Variants in XKR9 observed in about 807,000 individuals in gnomAD.
XKR9 encodes XK-related protein 9.
Under a neutral mutation model 32.0 loss-of-function variants are expected in XKR9, and 32 were observed. The observed-to-expected ratio is 1.00, with a 90% CI of 0.76 to 1.34. The LOEUF (loss-of-function observed/expected upper bound fraction) is 1.34. XKR9 is among the 40% of genes most tolerant of loss of function. The pLI is 0.00. For synonymous variants in XKR9, 168 were observed against 143.4 expected (o/e 1.17, Z -1.22); for missense variants, 546 against 429.7 (o/e 1.27, Z -2.39).
At chr8:70,704,860 T>A (rs1055713743) in intron 3 of XKR9, among the ~76,000 whole-genome samples, 8 of 152,306 alleles carry the variant, frequency 5.3e-5, no homozygotes, top group African/African-American at 1.9e-4. Context: ...TTAATCATTT[T>A]TTTTCTTCTG....
chr8:70,892,897 G>A, the XKR9 span, among the ~76,000 whole-genome samples: 48,243 of 151,956 alleles, frequency 0.32, 8,983 homozygotes, highest in Non-Finnish European at 0.43. Context: ...GACTTGGGAA[G>A]TTTTAAAATA....
intron 3 of XKR9, among the ~76,000 whole-genome samples, chr8:70,703,567 A>G (rs1355885277): frequency 6.6e-6 from 1 of 152,100 alleles, no homozygotes; most frequent in Non-Finnish European, 1.5e-5. Flanking sequence ...CTCCACCTCA[A>G]ATATCATCAC....
At chr8:70,694,765 TG>T (rs1305715257) in intron 3 of XKR9, among the ~76,000 whole-genome samples, 1 of 152,238 alleles carries the variant, frequency 6.6e-6, no homozygotes, top group Non-Finnish European at 1.5e-5. Flanking sequence ...ATGGGGCCTG[TG>T]GGCTGTTGCT....
the XKR9 span, among the ~76,000 whole-genome samples, chr8:70,943,009 G>T: frequency 6.6e-6 from 1 of 152,052 alleles, no homozygotes; most frequent in South Asian, 2.1e-4. Flanking sequence ...TTTACATAGA[G>T]CATATGGGAA....
At chr8:70,837,473 A>G in the XKR9 span, among the ~76,000 whole-genome samples, 1 of 152,132 alleles carries the variant, frequency 6.6e-6, no homozygotes, top group Non-Finnish European at 1.5e-5. Flanking sequence ...AATGAGTTGA[A>G]GAGATGGGAC....
intron 2 of XKR9, among the ~76,000 whole-genome samples, chr8:70,780,032 T>C (rs1024425683): frequency 6.6e-6 from 1 of 152,002 alleles, no homozygotes; most frequent in African/African-American, 2.4e-5. Context: ...CTCTAGTTCT[T>C]TTAATTGTGA....
chr8:70,699,713 T>G (rs989584239), intron 3 of XKR9, among the ~76,000 whole-genome samples: 2 of 152,140 alleles, frequency 1.3e-5, no homozygotes, highest in Non-Finnish European at 1.5e-5. Context: ...GTATTTCCTG[T>G]ATGTGAATGT....
At chr8:71,038,488 T>C in the XKR9 span, among the ~76,000 whole-genome samples, 1 of 151,644 alleles carries the variant, frequency 6.6e-6, no homozygotes, top group African/African-American at 2.4e-5. Flanking sequence ...ACCTGGCTAA[T>C]TTTTGTATTT....
the XKR9 span, among the ~76,000 whole-genome samples, chr8:71,011,058 T>G: frequency 6.6e-6 from 1 of 152,164 alleles, no homozygotes; most frequent in Non-Finnish European, 1.5e-5. Flanking sequence ...GACACAATAT[T>G]GAAAATGTGT....
chr8:70,787,903 T>C (rs1481887084), intron 2 of XKR9, among the ~76,000 whole-genome samples: 3 of 151,974 alleles, frequency 2.0e-5, no homozygotes, highest in Non-Finnish European at 4.4e-5. Flanking sequence ...ATTTTGAGTG[T>C]CTTGAAAATA....
At chr8:70,765,839 C>T (rs940787284) in intron 2 of XKR9, among the ~76,000 whole-genome samples, 3 of 152,178 alleles carry the variant, frequency 2.0e-5, no homozygotes, top group African/African-American at 7.2e-5. Context: ...GCCAGTTTTT[C>T]CAGCACCATT....
the XKR9 span, among the ~76,000 whole-genome samples, chr8:70,901,648 GA>G: frequency 5.1e-4 from 77 of 152,306 alleles, no homozygotes; most frequent in African/African-American, 1.8e-3. Context: ...TTGCTGTGCA[GA>G]AGCTCTTTAG....
intron 2 of XKR9, among the ~76,000 whole-genome samples, chr8:70,751,857 A>G (rs750723342): frequency 9.2e-5 from 14 of 152,140 alleles, no homozygotes; most frequent in Non-Finnish European, 1.8e-4. Context: ...CCATGCCACC[A>G]GCTTCCTTGG....
chr8:70,679,212 T>G (rs1472662880), intron 2 of XKR9, among the ~76,000 whole-genome samples: 1 of 152,172 alleles, frequency 6.6e-6, no homozygotes, highest in Non-Finnish European at 1.5e-5. Flanking sequence ...CATACCACAG[T>G]ACTTTTTCAC....
intron 2 of XKR9, among the ~76,000 whole-genome samples, chr8:70,752,849 T>G (rs962539928): frequency 4.6e-5 from 7 of 151,812 alleles, no homozygotes; most frequent in African/African-American, 1.7e-4. Flanking sequence ...ACATCACAAT[T>G]AAAAGAACTA....
chr8:71,005,990 C>T, the XKR9 span, among the ~76,000 whole-genome samples: 1 of 152,214 alleles, frequency 6.6e-6, no homozygotes, highest in African/African-American at 2.4e-5. Context: ...ATGACACATC[C>T]TAGGGTTATT....
chr8:70,959,634 T>G, the XKR9 span, among the ~76,000 whole-genome samples: 2 of 152,250 alleles, frequency 1.3e-5, no homozygotes, highest in Admixed American at 6.5e-5. Context: ...TTGTATGTTC[T>G]GAGTATCCTC....
At chr8:70,743,349 C>T (rs1807014870) in intron 2 of XKR9, among the ~76,000 whole-genome samples, 1 of 152,076 alleles carries the variant, frequency 6.6e-6, no homozygotes, top group Non-Finnish European at 1.5e-5. Context: ...GCTTTAAAAT[C>T]TGTCCACTAA....
chr8:70,746,017 G>C (rs1319727626), intron 2 of XKR9, among the ~76,000 whole-genome samples: 1 of 152,028 alleles, frequency 6.6e-6, no homozygotes, highest in Non-Finnish European at 1.5e-5. Context: ...TTCCCAAAGA[G>C]GCTATATTTT....
Sources: allele counts gnomAD v4.1 joint callset (sites outside exome capture counted in the v4.1 genomes callset), GRCh38; gene constraint gnomAD v4.1.1; transcripts MANE v1.5; gene names NCBI Gene and HGNC (gene_info 2026-07-23, HGNC 2026-07-21).